The following TRPC4 variants were observed in gnomAD, a reference collection of about 807,000 sequenced individuals.
TRPC4 encodes transient receptor potential cation channel subfamily C member 4.
In TRPC4, 49 loss-of-function variants were observed where a neutral mutation model predicts 99.4. That is an observed-to-expected ratio of 0.49 (90% CI 0.39 to 0.63). The LOEUF (loss-of-function observed/expected upper bound fraction) is 0.63. TRPC4 is among the 20% of genes least tolerant of loss of function. The pLI is 0.00. For synonymous variants in TRPC4, 454 were observed against 425.9 expected, an observed-to-expected ratio of 1.07 and a Z score of -0.81; for missense variants, 898 against 1,152.9, an observed-to-expected ratio of 0.78 and a Z score of 3.20.
chr13:37,722,278 A>T (rs77317252), intron 3 of TRPC4, among the ~76,000 whole-genome samples: 4,273 of 152,256 alleles, frequency 0.028, 189 homozygotes, highest in African/African-American at 0.097. Flanking sequence ...CTGGGTGTTC[A>T]ATGCTTGGAC....
intron 2 of TRPC4, among the ~76,000 whole-genome samples, chr13:37,781,447 C>T (rs1482951033): frequency 2.0e-5 from 3 of 152,006 alleles, no homozygotes; most frequent in Non-Finnish European, 4.4e-5. Flanking sequence ...AGTAGTAGCA[C>T]CTAAACTTAC....
At position 37,642,356 on chromosome 13, in the gene TRPC4, G is replaced by C. The variant is rs559105810; in HGVS notation, c.2080-3057C>G. Among the ~76,000 whole-genome samples, 12 of 152,292 alleles carry C rather than the reference G, an allele frequency of 7.9e-5. No individual in the cohort carries two copies. The South Asian group carries it at 2.5e-3, about 32-fold the overall frequency. On this transcript the variant is annotated intron_variant, in intron 8 of 10. Coordinates refer to ENST00000379705, the MANE Select transcript of TRPC4 (RefSeq NM_016179.4). ...TCATAGCAAAAGAGAAGGCTGGCTA[G>C]GGGTTCCAGCCTAGTGGAGCTGTGG...
At chr13:37,664,087 T>C (rs938657958) in intron 5 of TRPC4, among the ~76,000 whole-genome samples, 4 of 152,200 alleles carry the variant, frequency 2.6e-5, no homozygotes, top group African/African-American at 9.7e-5. Flanking sequence ...ATAACATTTA[T>C]CTGAATGCTC....
At chr13:37,797,523 A>G (rs1233762763) in intron 1 of TRPC4, among the ~76,000 whole-genome samples, 2 of 152,164 alleles carry the variant, frequency 1.3e-5, no homozygotes, top group African/African-American at 4.8e-5. Flanking sequence ...TAGCGAAAAA[A>G]GTAGAAGATA....
At chr13:37,639,760 T>TATATATATAA (rs1343272989) in intron 8 of TRPC4, among the ~76,000 whole-genome samples, 1 of 150,696 alleles carries the variant, frequency 6.6e-6, no homozygotes, top group African/African-American at 2.4e-5. Flanking sequence ...TATATATATA[T>TATATATATAA]AATATCAATC....
At chr13:37,828,900 A>G (rs1306703305) in intron 1 of TRPC4, among the ~76,000 whole-genome samples, 1 of 152,224 alleles carries the variant, frequency 6.6e-6, no homozygotes, top group Non-Finnish European at 1.5e-5. Context: ...TATTACCTGT[A>G]CATCAGACTC....
intron 3 of TRPC4, among the ~76,000 whole-genome samples, chr13:37,718,801 G>A (rs187822033): frequency 2.6e-5 from 4 of 152,102 alleles, no homozygotes; most frequent in Admixed American, 6.6e-5. Context: ...ATATCAAAAG[G>A]TGTATTTGAA....
At chr13:37,830,290 A>AAGAAAACACACAGAAAT (rs1958381586) in intron 1 of TRPC4, among the ~76,000 whole-genome samples, 1 of 152,172 alleles carries the variant, frequency 6.6e-6, no homozygotes, top group Non-Finnish European at 1.5e-5. Context: ...TACACAGAAA[A>AAGAAAACACACAGAAAT]AGAAAACACA....
chr13:37,814,917 C>T (rs1338650052), intron 1 of TRPC4, among the ~76,000 whole-genome samples: 2 of 151,926 alleles, frequency 1.3e-5, no homozygotes, highest in African/African-American at 4.8e-5. Context: ...CTTGCATTAT[C>T]TGATTTCTAA....
In TRPC4 at chr13:37,821,106, T is replaced by C. The variant is rs555729866; in HGVS notation, c.-27-37746A>G. On this transcript the variant is annotated intron_variant, in intron 1 of 10. Coordinates refer to ENST00000379705, the MANE Select transcript of TRPC4 (RefSeq NM_016179.4). ...AGCAAAGTTTTGGGATATTAAATTA[T>C]TGTACAAAAACCAATAGCATTCCTA... is the stretch of plus-strand genomic sequence containing the variant. Among the ~76,000 whole-genome samples, 3 of 151,626 alleles carry C rather than the reference T, an allele frequency of 2.0e-5. No individual in the cohort carries two copies. In the East Asian group the frequency reaches 5.9e-4, roughly 30 times the overall value.
chr13:37,637,968 C>T (rs756107628), intron 10 of TRPC4, among the ~76,000 whole-genome samples: 74 of 152,108 alleles, frequency 4.9e-4, no homozygotes, highest in Admixed American at 5.9e-4. Flanking sequence ...ACCTCACTGT[C>T]TCTGGGGTGT....
chr13:37,700,041 A>G (rs763668306), intron 3 of TRPC4, among the ~76,000 whole-genome samples: 6 of 152,208 alleles, frequency 3.9e-5, no homozygotes, highest in Non-Finnish European at 7.3e-5. Context: ...AGGTCGAGTC[A>G]ATAAATAATG....
intron 1 of TRPC4, among the ~76,000 whole-genome samples, chr13:37,834,329 G>A (rs1958501980): frequency 6.6e-6 from 1 of 152,086 alleles, no homozygotes; most frequent in Non-Finnish European, 1.5e-5. Context: ...TAAGTCACAT[G>A]TACTTTCAAT....
At chr13:37,646,392 A>C (rs577490418) in intron 8 of TRPC4, among the ~76,000 whole-genome samples, 1 of 152,312 alleles carries the variant, frequency 6.6e-6, no homozygotes, top group South Asian at 2.1e-4. Flanking sequence ...TAACATATAA[A>C]TGTAAACATT....
chr13:37,662,669 A>C (rs1952486196), intron 6 of TRPC4, among the ~76,000 whole-genome samples: 1 of 152,212 alleles, frequency 6.6e-6, no homozygotes, highest in Non-Finnish European at 1.5e-5. Flanking sequence ...TATGGAGGAA[A>C]ATCACTTCAC....
chr13:37,673,310 A>G (rs995804748), intron 5 of TRPC4, among the ~76,000 whole-genome samples: 1 of 152,132 alleles, frequency 6.6e-6, no homozygotes. Flanking sequence ...ACTTCAGACA[A>G]TTTTGCTTCT....
chr13:37,670,625 T>A (rs993543492), intron 5 of TRPC4, among the ~76,000 whole-genome samples: 1 of 152,228 alleles, frequency 6.6e-6, no homozygotes, highest in Admixed American at 6.5e-5. Flanking sequence ...AGTCCAATCT[T>A]CTATCATCTT....
At chr13:37,743,855 G>A (rs1377264078) in intron 3 of TRPC4, among the ~76,000 whole-genome samples, 1 of 152,122 alleles carries the variant, frequency 6.6e-6, no homozygotes, top group African/African-American at 2.4e-5. Context: ...AGGAGTTTAT[G>A]AGTACTTTGT....
At chr13:37,847,763 G>A (rs557932708) in intron 1 of TRPC4, among the ~76,000 whole-genome samples, 42 of 152,156 alleles carry the variant, frequency 2.8e-4, no homozygotes, top group African/African-American at 8.9e-4. Flanking sequence ...AATACTGTAC[G>A]ATCTCATTTA....
Sources: gnomAD v4.1 joint callset for allele counts (sites outside exome capture counted in the v4.1 genomes callset) on GRCh38, gnomAD v4.1.1 for gene constraint, MANE v1.5 for transcripts, NCBI Gene and HGNC (gene_info 2026-07-23, HGNC 2026-07-21) for gene names.